Variants in AGMO observed in about 807,000 individuals in gnomAD.
The protein encoded by AGMO is glyceryl-ether monooxygenase.
AGMO carries 75 observed loss-of-function variants against 60.2 expected under a neutral mutation model. The ratio of observed to expected loss-of-function variants is 1.25; its 90% confidence interval spans 1.03 to 1.51. AGMO has a LOEUF of 1.51. AGMO is among the 40% of genes most tolerant of loss of function. AGMO has a pLI of 0.00. For missense variants in AGMO, 763 were observed against 525.5 expected (o/e 1.45, Z -4.42); for synonymous variants, 261 against 177.1 (o/e 1.47, Z -3.76).
At chr7:15,390,320 A>G (rs918354500) in intron 8 of AGMO, among the ~76,000 whole-genome samples, 1 of 152,190 alleles carries the variant, frequency 6.6e-6, no homozygotes, top group Non-Finnish European at 1.5e-5. Flanking sequence ...CTGGAAGCAA[A>G]TATTTTTCTT....
At chr7:15,479,927 T>C (rs895024623) in intron 3 of AGMO, among the ~76,000 whole-genome samples, 1 of 152,126 alleles carries the variant, frequency 6.6e-6, no homozygotes, top group Non-Finnish European at 1.5e-5. Context: ...GGATTTTAAC[T>C]TATGTTTAGG....
intron 3 of AGMO, among the ~76,000 whole-genome samples, chr7:15,509,812 G>C (rs912203081): frequency 6.6e-6 from 1 of 152,036 alleles, no homozygotes; most frequent in Admixed American, 6.6e-5. Context: ...ATGTGACAAG[G>C]TGCTCAACAT....
intron 10 of AGMO, among the ~76,000 whole-genome samples, chr7:15,376,708 A>T (rs1783468685): frequency 6.6e-6 from 1 of 152,124 alleles, no homozygotes. Context: ...ATGCTAGTGC[A>T]ATACATATTA....
At chr7:15,527,074 A>T (rs1312047335) in intron 3 of AGMO, among the ~76,000 whole-genome samples, 1 of 152,154 alleles carries the variant, frequency 6.6e-6, no homozygotes, top group Non-Finnish European at 1.5e-5. Flanking sequence ...AATTAAGCCA[A>T]TTAATAACCC....
intron 12 of AGMO, among the ~76,000 whole-genome samples, chr7:15,294,116 T>G (rs1009840281): frequency 3.9e-5 from 6 of 151,992 alleles, no homozygotes; most frequent in African/African-American, 1.4e-4. Context: ...ATAAAGCAGG[T>G]TTTTCAAACT....
intron 3 of AGMO, among the ~76,000 whole-genome samples, chr7:15,500,481 G>A (rs953820555): frequency 4.6e-5 from 7 of 151,622 alleles, no homozygotes; most frequent in South Asian, 2.1e-4. Context: ...TAAGAGTATC[G>A]ATTCATGTGC....
chr7:15,247,491 G>C (rs1052572210), intron 12 of AGMO, among the ~76,000 whole-genome samples: 2 of 150,932 alleles, frequency 1.3e-5, no homozygotes, highest in Admixed American at 6.6e-5. Flanking sequence ...GAGAGAGAGG[G>C]AGAGAGAGAC....
chr7:15,225,098 T>A (rs547127318), intron 12 of AGMO, among the ~76,000 whole-genome samples: 1 of 152,096 alleles, frequency 6.6e-6, no homozygotes, highest in African/African-American at 2.4e-5. Context: ...CTTTTTAAAA[T>A]TTAGTTCATG....
intron 3 of AGMO, among the ~76,000 whole-genome samples, chr7:15,507,740 T>C (rs1236170487): frequency 6.6e-6 from 1 of 152,076 alleles, no homozygotes; most frequent in Admixed American, 6.6e-5. Flanking sequence ...TTAAACATTT[T>C]TACAGATCAG....
intron 10 of AGMO, among the ~76,000 whole-genome samples, chr7:15,369,714 T>C (rs1783125646): frequency 6.6e-6 from 1 of 152,136 alleles, no homozygotes; most frequent in East Asian, 1.9e-4. Flanking sequence ...CTGTCTCCTC[T>C]TGCTAGGATG....
intron 3 of AGMO, among the ~76,000 whole-genome samples, chr7:15,459,195 TTTGA>T (rs1189008527): frequency 6.6e-6 from 1 of 152,188 alleles, no homozygotes; most frequent in Non-Finnish European, 1.5e-5. Flanking sequence ...GTTTCGTCAA[TTTGA>T]TTGATTTAGT....
rs767687464 is a variant in AGMO, at chr7:15,418,562, G to A, written c.605C>T (p.Thr202Ile). The change falls in exon 5 of 13, where the codon ACA becomes ATA. Residue 202 changes from threonine (T) to isoleucine (I), a missense_variant. Transcript: ENST00000342526. The stretch of plus-strand genomic sequence containing the variant: ...AAAGATAAAAAAAAGTTTTACCTCT[G>A]TATGGATCCAAAATTGGTAAAGAAG... ...FNLLYQFWIH[T>I]EVINNLGPLE... The A allele has an allele frequency of 3.2e-6, 5 of 1,582,398 alleles. No individual in the cohort carries two copies. The African/African-American group carries it at 4.1e-5, about 13-fold the overall frequency.
the AGMO span, among the ~76,000 whole-genome samples, chr7:15,130,993 C>T: frequency 1.3e-5 from 2 of 151,980 alleles, no homozygotes; most frequent in African/African-American, 4.8e-5. Flanking sequence ...GCTTCAAAAA[C>T]TTTTGAGCTT....
At chr7:15,339,457 T>C (rs1225692284) in intron 12 of AGMO, among the ~76,000 whole-genome samples, 5 of 152,206 alleles carry the variant, frequency 3.3e-5, no homozygotes, top group Admixed American at 2.0e-4. Context: ...TATAATTATA[T>C]CTAACAAAAT....
the AGMO span, among the ~76,000 whole-genome samples, chr7:15,156,529 G>T: frequency 6.6e-6 from 1 of 152,186 alleles, no homozygotes; most frequent in East Asian, 1.9e-4. Context: ...CAACTCCCCA[G>T]ACAGTTCTTG....
At chr7:15,544,423 G>GA (rs1435628717) in intron 3 of AGMO, among the ~76,000 whole-genome samples, 1 of 151,980 alleles carries the variant, frequency 6.6e-6, no homozygotes, top group African/African-American at 2.4e-5. Flanking sequence ...CAAATGTTAG[G>GA]ACCTTGTTTG....
intron 12 of AGMO, among the ~76,000 whole-genome samples, chr7:15,338,914 TAGA>T (rs1377050049): frequency 6.6e-6 from 1 of 152,198 alleles, no homozygotes; most frequent in Non-Finnish European, 1.5e-5. Context: ...ATGTGGACAG[TAGA>T]AGGTTGGTTG....
chr7:15,133,410 T>G, the AGMO span, among the ~76,000 whole-genome samples: 5 of 152,086 alleles, frequency 3.3e-5, no homozygotes, highest in African/African-American at 4.8e-5. Context: ...ATGGTTTCAG[T>G]TGAGTAGTTA....
chr7:15,330,079 C>G (rs984927685), intron 12 of AGMO, among the ~76,000 whole-genome samples: 1 of 151,858 alleles, frequency 6.6e-6, no homozygotes, highest in African/African-American at 2.4e-5. Flanking sequence ...CTTTCTATCT[C>G]TATTGAAGTT....
Sources: gnomAD v4.1 joint callset for allele counts (sites outside exome capture counted in the v4.1 genomes callset) on GRCh38, gnomAD v4.1.1 for gene constraint, MANE v1.5 for transcripts, NCBI Gene and HGNC (gene_info 2026-07-23, HGNC 2026-07-21) for gene names.